Variants in NRXN3 observed in about 807,000 individuals in gnomAD.
The protein encoded by NRXN3 is neurexin III.
Under a neutral mutation model 137.6 loss-of-function variants are expected in NRXN3, and 32 were observed. The ratio of observed to expected loss-of-function variants is 0.23; its 90% CI spans 0.18 to 0.31. The LOEUF (loss-of-function observed/expected upper bound fraction) is 0.31. NRXN3 is among the 10% of genes least tolerant of loss of function. NRXN3 has a pLI of 1.00. For synonymous variants in NRXN3, 798 were observed against 784.5 expected, an observed-to-expected ratio of 1.02 and a Z score of -0.29; for missense variants, 1,574 against 2,062.5, an observed-to-expected ratio of 0.76 and a Z score of 4.59.
At chr14:78,967,578 AT>A (rs1366159154) in intron 13 of NRXN3, among the ~76,000 whole-genome samples, 180 bp downstream of exon 13, 2 of 152,134 alleles carry the variant, frequency 1.3e-5, no homozygotes, top group Non-Finnish European at 2.9e-5. Context: ...TAGACTACTC[AT>A]CAAGAAATGG....
chr14:78,667,910 A>C lies in NRXN3; in HGVS notation c.1221+16584A>C, dbSNP rs185938572. On this transcript the variant is annotated intron_variant, in intron 6 of 20. Coordinates refer to ENST00000335750, the MANE Select transcript of NRXN3 (RefSeq NM_001330195.2). ...GTGATTCTCCTGCCTCTGCCTCCCGAGTAGCTGGGATTACAAGCGCCCGCC... is the reference window on the plus strand; with the variant it reads ...GTGATTCTCCTGCCTCTGCCTCCCGCGTAGCTGGGATTACAAGCGCCCGCC... Among the ~76,000 whole-genome samples the C allele has an allele frequency of 6.8e-4, 103 of 152,018 alleles. 1 individual carries two copies. Among genetic ancestry groups the C allele is most frequent in the African/African-American group, 2.4e-3 (100 of 41,434 alleles).
chr14:79,365,987 G>A (rs1710499089), intron 15 of NRXN3, among the ~76,000 whole-genome samples: 1 of 152,000 alleles, frequency 6.6e-6, no homozygotes, highest in African/African-American at 2.4e-5. Context: ...CTAGTACTAT[G>A]CTAGGGCATG....
At chr14:79,486,020 G>GTTA (rs369427036) in intron 16 of NRXN3, among the ~76,000 whole-genome samples, 17 of 151,732 alleles carry the variant, frequency 1.1e-4, no homozygotes, top group Middle Eastern at 3.4e-3. Flanking sequence ...CTGTATTATT[G>GTTA]TTATTATTAT....
chr14:79,618,775 A>G (rs981778306), intron 16 of NRXN3, among the ~76,000 whole-genome samples: 3 of 152,082 alleles, frequency 2.0e-5, no homozygotes, highest in African/African-American at 7.2e-5. Context: ...AAATCTCCAA[A>G]CTGCTTTCAA....
At chr14:78,469,337 TG>T (rs2095208383) in intron 4 of NRXN3, among the ~76,000 whole-genome samples, 2 of 152,310 alleles carry the variant, frequency 1.3e-5, no homozygotes, top group African/African-American at 4.8e-5. Context: ...TTAGTGAGTC[TG>T]GGATAGGGCC....
At chr14:78,493,591 A>C (rs1173818204) in intron 4 of NRXN3, among the ~76,000 whole-genome samples, 1 of 151,994 alleles carries the variant, frequency 6.6e-6, no homozygotes, top group East Asian at 1.9e-4. Context: ...AGGAATGACA[A>C]ATAGATTTCA....
chr14:79,700,604 G>C (rs1300653348), intron 19 of NRXN3, among the ~76,000 whole-genome samples: 2 of 152,052 alleles, frequency 1.3e-5, no homozygotes, highest in Non-Finnish European at 2.9e-5. Context: ...CCTTTCAAGA[G>C]TTCTTTCCTG....
intron 4 of NRXN3, among the ~76,000 whole-genome samples, chr14:78,299,269 G>A (rs2076645211): frequency 6.6e-6 from 1 of 152,056 alleles, no homozygotes; most frequent in Non-Finnish European, 1.5e-5. Flanking sequence ...AGGGAGGGAA[G>A]GGCCAACAGC....
At chr14:78,998,492 C>T (rs185193823) in intron 15 of NRXN3, among the ~76,000 whole-genome samples, 8 of 152,184 alleles carry the variant, frequency 5.3e-5, no homozygotes, top group Non-Finnish European at 7.4e-5. Flanking sequence ...CCTTCTTGGC[C>T]AAAGAAAACG....
chr14:79,667,138 C>T lies in NRXN3; in HGVS notation c.3616+3189C>T, dbSNP rs571879279. ...TATTTTAAATCATAAGATCAAAATT[C>T]CCCGTGTCTGGGCCATCAAACAAAG... On this transcript the variant is annotated intron_variant, in intron 17 of 20. Transcript: ENST00000335750. Among the ~76,000 whole-genome samples the T allele has an allele frequency of 2.0e-5, 3 of 152,114 alleles. No individual in the cohort carries two copies. The South Asian group carries it at 6.2e-4, about 32-fold the overall frequency.
intron 16 of NRXN3, among the ~76,000 whole-genome samples, chr14:79,504,833 A>C (rs2096861348): frequency 6.6e-6 from 1 of 151,824 alleles, no homozygotes; most frequent in Non-Finnish European, 1.5e-5. Context: ...TGAAATTTGA[A>C]AAGCATAAAG....
intron 16 of NRXN3, among the ~76,000 whole-genome samples, chr14:79,517,518 A>T (rs945215356): frequency 1.2e-4 from 19 of 152,130 alleles, no homozygotes; most frequent in African/African-American, 4.6e-4. Flanking sequence ...TCGACACTTA[A>T]TTAGAAGGGA....
At chr14:79,172,988 T>C (rs1333222184) in intron 15 of NRXN3, among the ~76,000 whole-genome samples, 1 of 152,156 alleles carries the variant, frequency 6.6e-6, no homozygotes, top group African/African-American at 2.4e-5. Flanking sequence ...AAGTGTTTTT[T>C]TGGCAAATGG....
chr14:79,425,239 G>A (rs1376432708), intron 15 of NRXN3, among the ~76,000 whole-genome samples: 1 of 152,160 alleles, frequency 6.6e-6, no homozygotes, highest in African/African-American at 2.4e-5. Context: ...CTACTTCTTA[G>A]GGTTGTCAAG....
intron 8 of NRXN3, among the ~76,000 whole-genome samples, chr14:78,731,599 A>G (rs1250470053): frequency 2.4e-5 from 3 of 122,822 alleles, no homozygotes; most frequent in Non-Finnish European, 5.7e-5. Flanking sequence ...GGGAATGTGT[A>G]TATATATATG....
intron 16 of NRXN3, among the ~76,000 whole-genome samples, chr14:79,560,624 C>T (rs556114209): frequency 1.3e-5 from 2 of 150,084 alleles, no homozygotes; most frequent in South Asian, 2.1e-4. Flanking sequence ...CATTCCCCTC[C>T]CTCAGCCTCC....
chr14:78,203,120 A>G (rs1171212125), intron 1 of NRXN3, among the ~76,000 whole-genome samples: 1 of 152,082 alleles, frequency 6.6e-6, no homozygotes, highest in Non-Finnish European at 1.5e-5. Context: ...TCTTACACTT[A>G]TGTCCATAGA....
intron 8 of NRXN3, among the ~76,000 whole-genome samples, chr14:78,795,497 T>C (rs1239542889): frequency 6.6e-6 from 1 of 152,054 alleles, no homozygotes; most frequent in East Asian, 1.9e-4. Context: ...TGAAAAGCAA[T>C]CAGACAATAA....
chr14:79,126,590 T>C (rs1173183400), intron 15 of NRXN3, among the ~76,000 whole-genome samples: 1 of 152,166 alleles, frequency 6.6e-6, no homozygotes, highest in African/African-American at 2.4e-5. Context: ...GACATTTGGG[T>C]TGGTTCCAAG....
Sources: gnomAD v4.1 joint callset for allele counts (sites outside exome capture counted in the v4.1 genomes callset) on GRCh38, gnomAD v4.1.1 for gene constraint, MANE v1.5 for transcripts, NCBI Gene and HGNC (gene_info 2026-07-23, HGNC 2026-07-21) for gene names.